Variants in GALNT13 observed in about 807,000 individuals in gnomAD.
GALNT13 encodes UDP-GalNAc:polypeptide N-acetylgalactosaminyltransferase 13.
Under a neutral mutation model 64.2 loss-of-function variants are expected in GALNT13, and 28 were observed. The ratio of observed to expected loss-of-function variants is 0.44; its 90% confidence interval spans 0.32 to 0.60. The LOEUF is 0.60. GALNT13 is among the 20% of genes least tolerant of loss of function. The pLI is 0.05. For synonymous variants in GALNT13, 214 were observed against 224.6 expected, an observed-to-expected ratio of 0.95 and a Z score of 0.42; for missense variants, 577 against 669.8, an observed-to-expected ratio of 0.86 and a Z score of 1.53.
chr2:153,979,873 A>G (rs919474110), intron 3 of GALNT13, among the ~76,000 whole-genome samples: 1 of 152,182 alleles, frequency 6.6e-6, no homozygotes, highest in Non-Finnish European at 1.5e-5. Context: ...AATGAAAGGT[A>G]GATTATATTC....
intron 3 of GALNT13, among the ~76,000 whole-genome samples, chr2:154,081,131 C>T (rs1008615723): frequency 6.6e-6 from 1 of 151,522 alleles, no homozygotes; most frequent in African/African-American, 2.4e-5. Flanking sequence ...ATTTTAGCAT[C>T]AACTCCACAG....
chr2:153,581,381 T>G, the GALNT13 span, among the ~76,000 whole-genome samples: 1 of 152,114 alleles, frequency 6.6e-6, no homozygotes, highest in African/African-American at 2.4e-5. Context: ...CACGGTTATT[T>G]TATTAGCAAA....
In GALNT13 at chr2:154,259,123, T is replaced by C. The variant is rs781481092; in HGVS notation, c.960T>C (p.Leu320=). Residue 320 remains leucine, a synonymous_variant, in exon 8 of 13, where the codon CTT becomes CTC. Coordinates refer to ENST00000392825, the MANE Select transcript of GALNT13 (RefSeq NM_052917.4). The part of the protein sequence containing the change: ...AGMDIWGGEN[L]EMSFRIWQCG... ...TGGATATCTGGGGTGGAGAGAATCT[T>C]GAAATGTCTTTTAGGGTAATTGCAT... 1 of 1,574,504 alleles carries C rather than the reference T, an allele frequency of 6.4e-7. No homozygotes were observed. Among genetic ancestry groups the C allele is most frequent in the Non-Finnish European group, 8.7e-7 (1 of 1,146,076 alleles).
the GALNT13 span, among the ~76,000 whole-genome samples, chr2:153,504,088 T>G: frequency 1.3e-5 from 2 of 152,190 alleles, no homozygotes; most frequent in African/African-American, 4.8e-5. Context: ...AGTTTTCTTC[T>G]TAGAAACCTT....
the GALNT13 span, among the ~76,000 whole-genome samples, chr2:153,348,341 A>G: frequency 6.6e-6 from 1 of 152,280 alleles, no homozygotes; most frequent in East Asian, 1.9e-4. Context: ...CTAGGTCACA[A>G]AGGGAGATGC....
chr2:154,449,399 T>A (rs1474817621), intron 12 of GALNT13, among the ~76,000 whole-genome samples: 1 of 128,434 alleles, frequency 7.8e-6, no homozygotes, highest in African/African-American at 2.9e-5. Context: ...TTTACTTTCA[T>A]CCCATTTTCA....
intron 9 of GALNT13, among the ~76,000 whole-genome samples, chr2:154,340,249 C>T (rs1695685039): frequency 6.6e-6 from 1 of 151,992 alleles, no homozygotes; most frequent in Non-Finnish European, 1.5e-5. Context: ...CATCCTTCTT[C>T]ATTTATTTAC....
chr2:153,808,858 G>A, the GALNT13 span, among the ~76,000 whole-genome samples: 1 of 152,070 alleles, frequency 6.6e-6, no homozygotes, highest in African/African-American at 2.4e-5. Context: ...TTTCCCTAAT[G>A]TGTTCAAAAT....
intron 4 of GALNT13, among the ~76,000 whole-genome samples, chr2:154,215,322 A>G (rs1292154554): frequency 6.6e-6 from 1 of 151,692 alleles, no homozygotes; most frequent in Non-Finnish European, 1.5e-5. Flanking sequence ...CTGCCACCAG[A>G]CAAATATTTC....
chr2:154,169,492 T>G (rs561361090), intron 4 of GALNT13, among the ~76,000 whole-genome samples: 67 of 152,290 alleles, frequency 4.4e-4, no homozygotes, highest in Admixed American at 8.5e-4. Flanking sequence ...TTATGAAGTC[T>G]GAATGGAATC....
the GALNT13 span, among the ~76,000 whole-genome samples, chr2:153,276,878 A>T: frequency 1.3e-5 from 2 of 152,184 alleles, no homozygotes; most frequent in Non-Finnish European, 2.9e-5. Flanking sequence ...TAAAATAAAA[A>T]GAAGTCCTTA....
the GALNT13 span, among the ~76,000 whole-genome samples, chr2:153,470,723 TA>T: frequency 6.6e-6 from 1 of 152,198 alleles, no homozygotes; most frequent in Non-Finnish European, 1.5e-5. Flanking sequence ...CAAAGATTCT[TA>T]ATTAATAAAG....
intron 3 of GALNT13, among the ~76,000 whole-genome samples, chr2:153,987,729 C>T (rs1392687013): frequency 6.6e-6 from 1 of 151,670 alleles, no homozygotes; most frequent in Non-Finnish European, 1.5e-5. Flanking sequence ...CCTTTAACTT[C>T]CTGGGCATGG....
the GALNT13 span, among the ~76,000 whole-genome samples, chr2:153,140,873 G>A: frequency 1.3e-5 from 2 of 151,880 alleles, no homozygotes; most frequent in East Asian, 3.9e-4. Flanking sequence ...GTTTAAAATG[G>A]CCTGAAATAT....
At chr2:153,198,988 G>GA in the GALNT13 span, among the ~76,000 whole-genome samples, 25,046 of 152,138 alleles carry the variant, frequency 0.16, 2,177 homozygotes, top group Non-Finnish European at 0.18. Context: ...GTGCCTTCCA[G>GA]ATGGGACACC....
intron 8 of GALNT13, among the ~76,000 whole-genome samples, chr2:154,287,984 C>G (rs1276645371): frequency 6.6e-6 from 1 of 152,008 alleles, no homozygotes; most frequent in African/African-American, 2.4e-5. Flanking sequence ...ACCTGCTTTG[C>G]TTTTATTGGT....
At chr2:154,031,460 G>T (rs1309890484) in intron 3 of GALNT13, among the ~76,000 whole-genome samples, 2 of 151,900 alleles carry the variant, frequency 1.3e-5, no homozygotes, top group Non-Finnish European at 2.9e-5. Context: ...TTTAAAAACT[G>T]AATGACAGAT....
At chr2:153,835,030 A>G in the GALNT13 span, among the ~76,000 whole-genome samples, 2 of 152,094 alleles carry the variant, frequency 1.3e-5, no homozygotes, top group Non-Finnish European at 2.9e-5. Flanking sequence ...GAAACTCAAG[A>G]GGAGGTAATT....
At chr2:154,041,462 T>G (rs765537269) in intron 3 of GALNT13, among the ~76,000 whole-genome samples, 2 of 140,188 alleles carry the variant, frequency 1.4e-5, no homozygotes, top group Non-Finnish European at 3.3e-5. Flanking sequence ...TTCTGTGAGG[T>G]TTTTTTCTGG....
Sources: gnomAD v4.1 joint callset for allele counts (sites outside exome capture counted in the v4.1 genomes callset) on GRCh38, gnomAD v4.1.1 for gene constraint, MANE v1.5 for transcripts, NCBI Gene and HGNC (gene_info 2026-07-23, HGNC 2026-07-21) for gene names.